DENND4C: variants seen among roughly 807,000 people sequenced by gnomAD.
DENND4C encodes DENN domain containing 4C, also known as DENN domain-containing protein 4C.
In DENND4C, 108 loss-of-function variants were observed where a neutral mutation model predicts 203.0. The ratio of observed to expected loss-of-function variants is 0.53; its 90% CI spans 0.46 to 0.62. DENND4C has a LOEUF of 0.62. Ranked by LOEUF, DENND4C falls within the 20% of genes least tolerant of loss-of-function variation. The probability of loss-of-function intolerance (pLI) is 0.00; values close to 1 mark genes in which losing one functional copy is unlikely to be tolerated. For synonymous variants in DENND4C, 871 were observed against 792.4 expected (o/e 1.10, Z -1.67); for missense variants, 2,481 against 2,301.2 (o/e 1.08, Z -1.60).
rs1184364476 is a variant in DENND4C at position 19,346,646 on chromosome 9, A to C, written c.3877A>C (p.Ser1293Arg). ...DEIESYMNLK[S>R]PLGSKSSSME... ...AATAGAAAGCTATATGAACCTAAAA[A>C]GTCCCCTAGGTAGTAAATCTTCTAG... is the stretch of plus-strand genomic sequence containing the variant. The change falls in exon 23 of 33, where the codon AGT becomes CGT. Residue 1293 changes from serine to arginine, a missense_variant. Ser to Arg is a moderately radical substitution (Grantham distance 110, BLOSUM62 -1). Transcript: ENST00000434457. The C allele has an allele frequency of 1.2e-6, 2 of 1,614,144 alleles. No individual in the cohort carries two copies. The highest frequency in any genetic ancestry group is 1.1e-5 in the South Asian group (1 of 91,084).
chr9:19,234,273 C>G (rs544297159), intron 1 of DENND4C, among the ~76,000 whole-genome samples: 13 of 152,030 alleles, frequency 8.6e-5, no homozygotes, highest in African/African-American at 2.7e-4. Flanking sequence ...CTCTGTTGCC[C>G]AAGCTGGAGT....
intron 28 of DENND4C, among the ~76,000 whole-genome samples, chr9:19,359,440 G>T (rs749038384): frequency 6.6e-6 from 1 of 151,698 alleles, no homozygotes; most frequent in African/African-American, 2.4e-5. Context: ...TATTCTCTTT[G>T]GTCAGCTAGA....
chr9:19,298,182 G>T (rs879688852), intron 7 of DENND4C, 60 bp downstream of exon 7: 2 of 1,459,072 alleles, frequency 1.4e-6, no homozygotes, highest in African/African-American at 2.8e-5. Context: ...AGTCATTGCA[G>T]AGTGGATTCT....
At chr9:19,337,834 G>C (rs1386891915) in intron 20 of DENND4C, among the ~76,000 whole-genome samples, 1 of 152,026 alleles carries the variant, frequency 6.6e-6, no homozygotes, top group Non-Finnish European at 1.5e-5. Flanking sequence ...AAAATATCCA[G>C]CTAACTTTTT....
intron 17 of DENND4C, among the ~76,000 whole-genome samples, chr9:19,332,843 C>A (rs1472383689): frequency 6.7e-6 from 1 of 148,890 alleles, no homozygotes; most frequent in Non-Finnish European, 1.5e-5. Flanking sequence ...GCTCTTGAAC[C>A]CCCACCTTGG....
chr9:19,283,610 C>T (rs118029586), intron 2 of DENND4C, among the ~76,000 whole-genome samples: 18 of 116,572 alleles, frequency 1.5e-4, no homozygotes, highest in South Asian at 5.9e-4. Context: ...TTTTTTCTTT[C>T]TTTTTTTTTT....
intron 1 of DENND4C, among the ~76,000 whole-genome samples, chr9:19,250,018 G>T (rs771543025): frequency 2.0e-5 from 3 of 152,096 alleles, no homozygotes; most frequent in Non-Finnish European, 4.4e-5. Context: ...GTTATATGTG[G>T]CTGGGCGCTG....
rs1588970334 is a variant in DENND4C at position 19,350,811 on chromosome 9, C to T, written c.4427C>T (p.Thr1476Ile). 6.2e-7 allele frequency: 1 copy of T among 1,613,914 alleles called. No individual in the cohort carries two copies. Among genetic ancestry groups the T allele is most frequent in the Non-Finnish European group, 8.5e-7 (1 of 1,179,988 alleles). ...SISGLVPSEL[T>I]QSNTSLGSSS... ...TCAGGGTTGGTCCCCAGTGAACTTA[C>T]CCAGAGCAACACAAGTCTTGGCAGT... Residue 1476 changes from threonine to isoleucine, a missense_variant, in exon 24 of 33, where the codon ACC becomes ATC. By Grantham distance (89) the Thr-to-Ile change is moderately conservative (BLOSUM62 -1). Around this residue, in one of 3 missense-constraint regions of DENND4C, gnomAD observed 2,289 missense variants for 2,113.3 expected, o/e 1.08. Coordinates refer to ENST00000434457, the MANE Select transcript of DENND4C (RefSeq NM_001330640.2).
At chr9:19,340,827 C>T (rs949976839) in intron 20 of DENND4C, among the ~76,000 whole-genome samples, 165 bp from the exon 21 acceptor site, 6 of 152,114 alleles carry the variant, frequency 3.9e-5, no homozygotes, top group Admixed American at 1.3e-4. Flanking sequence ...CTGTTCTTTG[C>T]GGCTTATCAT....
intron 1 of DENND4C, among the ~76,000 whole-genome samples, chr9:19,257,007 T>C (rs887356225): frequency 1.0e-4 from 15 of 150,546 alleles, no homozygotes; most frequent in African/African-American, 3.4e-4. Context: ...GAGGCGGAGG[T>C]TGCAGTGAGC....
At position 19,324,433 on chromosome 9, in the gene DENND4C, C is replaced by T. The variant is rs780075622; in HGVS notation, c.1879C>T (p.Arg627Cys). 6 of 1,612,344 alleles carry T rather than the reference C, an allele frequency of 3.7e-6. No individual in the cohort carries two copies. Among genetic ancestry groups the T allele is most frequent in the Non-Finnish European group, 4.2e-6 (5 of 1,179,294 alleles). ...TLLSKTQIFIRFIEECSFVSD... is the reference protein window; with the variant it reads ...TLLSKTQIFICFIEECSFVSD... Reference sequence around the variant, plus strand: ...TTTATCCAAAACACAGATTTTTATTCGTTTCATTGAAGAATGCAGTTTTGT... The same window carrying T: ...TTTATCCAAAACACAGATTTTTATTTGTTTCATTGAAGAATGCAGTTTTGT... Residue 627 changes from arginine (R) to cysteine (C), a missense_variant, in exon 13 of 33, where the codon CGT (arginine) becomes TGT (cysteine). Transcript: ENST00000434457.
chr9:19,360,632 A>G, intron 29 of DENND4C, 143 bp downstream of exon 29: 6 of 1,113,566 alleles, frequency 5.4e-6, no homozygotes, highest in Middle Eastern at 2.7e-4. Context: ...CAGTCCTGGA[A>G]TGGTAAAGTG....
At chr9:19,357,728 C>T (rs1825706974) in intron 27 of DENND4C, 1 of 370,852 alleles carries the variant, frequency 2.7e-6, no homozygotes. Context: ...TAAAATAATA[C>T]CTGTATATCT....
At chr9:19,296,936 G>A (rs7873808) in intron 6 of DENND4C, among the ~76,000 whole-genome samples, 124,762 of 152,136 alleles carry the variant, frequency 0.82, 51,327 homozygotes, top group East Asian at 0.99. Flanking sequence ...GTTAAAAGTG[G>A]AGTTTTGGTT....
chr9:19,328,366 A>G (rs573512316), intron 16 of DENND4C, among the ~76,000 whole-genome samples: 1 of 152,300 alleles, frequency 6.6e-6, no homozygotes, highest in Admixed American at 6.5e-5. Context: ...GTATCCCAGC[A>G]CTTTCAGAGG....
rs1284805202 is a variant in DENND4C at position 19,338,241 on chromosome 9, G to GA, written c.2881+1411dup. Reference sequence around the variant, plus strand: ...TAGTATTTTTTTCATGATACTTGTAGAAGAAATGGGCTTCATGTATAAAAA... The same window carrying GA: ...TAGTATTTTTTTCATGATACTTGTAGAAAGAAATGGGCTTCATGTATAAAAA... On this transcript the variant is annotated intron_variant, in intron 20 of 32. Transcript: ENST00000434457. Among the ~76,000 whole-genome samples, 6 of 152,072 alleles carry GA rather than the reference G, an allele frequency of 3.9e-5. No homozygotes were observed. The East Asian group carries it at 1.2e-3, about 29-fold the overall frequency.
intron 1 of DENND4C, among the ~76,000 whole-genome samples, chr9:19,254,435 G>A (rs945924767): frequency 6.6e-6 from 1 of 152,190 alleles, no homozygotes; most frequent in Non-Finnish European, 1.5e-5. Context: ...TGTCATTGGT[G>A]ACATTATGGA....
chr9:19,327,838 GAC>G (rs1818146253), intron 15 of DENND4C, among the ~76,000 whole-genome samples, 190 bp from the exon 16 acceptor site: 1 of 151,990 alleles, frequency 6.6e-6, no homozygotes, highest in Non-Finnish European at 1.5e-5. Context: ...GTGGGGAAGA[GAC>G]AAAATTTTCA....
intron 5 of DENND4C, among the ~76,000 whole-genome samples, chr9:19,292,071 C>T (rs935055845): frequency 1.3e-5 from 2 of 152,090 alleles, no homozygotes; most frequent in African/African-American, 4.8e-5. Context: ...GTTGCCCAGG[C>T]TGGAGTGCAG....
Sources: gnomAD v4.1 joint callset for allele counts (sites outside exome capture counted in the v4.1 genomes callset) on GRCh38, gnomAD v4.1.1 for gene constraint, gnomAD v4.1.1 regional missense constraint, MANE v1.5 for transcripts, NCBI Gene and HGNC (gene_info 2026-07-23, HGNC 2026-07-21) for gene names.